Variants in ODAD4 observed in about 807,000 individuals in gnomAD.
ODAD4 encodes the protein outer dynein arm-docking complex subunit 4.
A neutral mutation model predicts 51.8 loss-of-function variants in ODAD4; 49 were observed. The ratio of observed to expected loss-of-function variants is 0.95; its 90% CI spans 0.75 to 1.20. The LOEUF (loss-of-function observed/expected upper bound fraction) is 1.20, where lower values mean the gene tolerates loss of function less well. Among genes scored for constraint, ODAD4 ranks in the 50% most tolerant of loss-of-function variants. The pLI, the probability that ODAD4 is intolerant of heterozygous loss-of-function variation, is 0.00. For missense variants in ODAD4, 590 were observed against 586.5 expected (o/e 1.01, Z -0.06); for synonymous variants, 235 against 221.3 (o/e 1.06, Z -0.55).
At chr17:41,951,901 A>C in intron 9 of ODAD4, among the ~76,000 whole-genome samples, 1 of 145,370 alleles carries the variant, frequency 6.9e-6, no homozygotes, top group East Asian at 2.1e-4. Context: ...AAAAAAAAAA[A>C]AAAAAAAAAA....
chr17:41,964,533 G>A (rs2050848919), intron 11 of ODAD4, among the ~76,000 whole-genome samples: 1 of 152,232 alleles, frequency 6.6e-6, no homozygotes, highest in Non-Finnish European at 1.5e-5. Context: ...GGAAAGGTGT[G>A]CTGTCAACAC....
Position 41,930,823 on chromosome 17 carries a change from C to T in ODAD4, c.100C>T (p.Gln34Ter), listed in dbSNP as rs562095573. The T allele has an allele frequency of 3.2e-5, 51 of 1,580,732 alleles. No homozygotes were observed. Among genetic ancestry groups the T allele is most frequent in the Admixed American group, 5.4e-5 (3 of 55,970 alleles). The change falls in exon 1 of 12, where the codon CAG becomes TAG. Residue 34 changes from glutamine (Q) to a stop codon, truncating the protein, a stop_gained. Coordinates refer to ENST00000377540, the MANE Select transcript of ODAD4 (RefSeq NM_031421.5). LOFTEE classifies it high-confidence loss of function. ...YLCGEFSKAAQSFSNALYLQD... is the reference protein window; with the variant it reads ...YLCGEFSKAA ...GTGCGGGGAATTTTCTAAAGCCGCG[C>T]AGAGCTTCAGCAACGTGAGTCGAGC...
chr17:41,964,842 T>G, intron 11 of ODAD4, 151 bp from the exon 12 acceptor site: 1 of 561,662 alleles, frequency 1.8e-6, no homozygotes, highest in Non-Finnish European at 3.2e-6. Flanking sequence ...AGGGTCTCAC[T>G]GTGTCGCCCA....
At chr17:41,956,193 G>GC (rs1287316286) in intron 10 of ODAD4, among the ~76,000 whole-genome samples, 89 of 151,202 alleles carry the variant, frequency 5.9e-4, no homozygotes, top group African/African-American at 1.8e-3. Context: ...GATCACAGGC[G>GC]CCCCCCCACC....
chr17:41,954,976 C>T, intron 9 of ODAD4: 1 of 611,206 alleles, frequency 1.6e-6, no homozygotes. Context: ...CTTCTCTCAC[C>T]AACGCCTTTG....
At chr17:41,955,874 A>T (rs1485492458) in intron 10 of ODAD4, among the ~76,000 whole-genome samples, 4 of 151,802 alleles carry the variant, frequency 2.6e-5, no homozygotes, top group African/African-American at 9.7e-5. Flanking sequence ...ATGCAGTGGC[A>T]CTGTTATGGC....
intron 10 of ODAD4, among the ~76,000 whole-genome samples, chr17:41,958,046 G>A (rs1179433764): frequency 6.6e-6 from 1 of 152,048 alleles, no homozygotes; most frequent in Admixed American, 6.6e-5. Context: ...TAAAGTGTTG[G>A]GATTACAGGT....
At chr17:41,936,593 G>A in intron 4 of ODAD4, 59 bp downstream of exon 4, 1 of 1,549,292 alleles carries the variant, frequency 6.5e-7, no homozygotes, top group Non-Finnish European at 8.9e-7. Flanking sequence ...GTGTGCCTGA[G>A]AAGGGGTCTT....
intron 8 of ODAD4, among the ~76,000 whole-genome samples, chr17:41,948,869 T>A (rs1347246664): frequency 3.9e-5 from 6 of 152,160 alleles, no homozygotes. Context: ...CTCGAACTCC[T>A]GACCTCAGGT....
intron 7 of ODAD4, among the ~76,000 whole-genome samples, chr17:41,941,653 C>T (rs989262847): frequency 3.4e-4 from 51 of 151,734 alleles, no homozygotes; most frequent in Non-Finnish European, 5.4e-4. Context: ...TGGTGGTGTG[C>T]GCCTGTAGTC....
At chr17:41,946,759 C>T (rs868909875) in intron 8 of ODAD4, among the ~76,000 whole-genome samples, 5 of 152,202 alleles carry the variant, frequency 3.3e-5, no homozygotes, top group South Asian at 2.1e-4. Context: ...TCATGGCAAC[C>T]TCCACCTTCC....
Position 41,965,133 on chromosome 17 carries a change from G to T in ODAD4, c.1669G>T (p.Glu557Ter). 1 of 773,720 alleles carries T rather than the reference G, an allele frequency of 1.3e-6. No individual in the cohort carries two copies. Among genetic ancestry groups the T allele is most frequent in the East Asian group, 2.4e-5 (1 of 41,036 alleles). The allele number at this position is 773,720 out of a possible 1,614,324, so 47.9% of individuals were successfully genotyped here. A position where few individuals can be genotyped will look rare whatever the true frequency, so the allele number is the denominator to read the frequency against. Reference protein sequence around the residue: ...ETDEDDEAFGEALQSPASGKQ... With the variant: ...ETDEDDEAFG ...AGATGAGGACGATGAGGCTTTTGGG[G>T]AAGCTCTGCAGAGCCCAGCAAGCGG... Residue 557 changes from glutamate to a stop codon, truncating the protein, a stop_gained, in exon 12 of 12, where the codon GAA (glutamate) becomes TAA (stop). Coordinates refer to ENST00000377540, the MANE Select transcript of ODAD4 (RefSeq NM_031421.5). LOFTEE classifies it low-confidence loss of function (END_TRUNC).
chr17:41,949,129 G>A, intron 8 of ODAD4, 24 bp from the exon 9 acceptor site: 1 of 398,488 alleles, frequency 2.5e-6, no homozygotes, highest in Non-Finnish European at 4.4e-6. Context: ...GGATGAAGCT[G>A]ACTCTGGTTC....
In ODAD4 at chr17:41,944,444, A is replaced by ACAC. The variant is rs1191101800; in HGVS notation, c.1059-691_1059-690insACC. On this transcript the variant is annotated intron_variant, in intron 7 of 11. Transcript: ENST00000377540. ...CACACACACACACACACACACACAC[A>ACAC]CCCCCCCGCATACACAGAAATTGCC... 8.8e-3 allele frequency among the ~76,000 whole-genome samples: 172 copies of ACAC among 19,540 alleles called. 8 individuals are homozygous for ACAC. The highest frequency in any genetic ancestry group is 0.017 in the South Asian group (4 of 236). 12.8% of individuals were successfully genotyped at this position (19,540 alleles called of 152,430 possible). A position where few individuals can be genotyped will look rare whatever the true frequency, so the allele number is the denominator to read the frequency against.
At position 41,952,069 on chromosome 17, in the gene ODAD4, A is replaced by G. The variant is rs1201430406; in HGVS notation, c.1342+2720A>G. 4.0e-5 allele frequency among the ~76,000 whole-genome samples: 6 copies of G among 151,578 alleles called. No homozygotes were observed. The East Asian group carries it at 9.8e-4, about 25-fold the overall frequency. On this transcript the variant is annotated intron_variant, in intron 9 of 11. Coordinates refer to ENST00000377540, the MANE Select transcript of ODAD4 (RefSeq NM_031421.5). ...GGCAACTTAAAGAGACCTCATCTCT[A>G]CAAAAAATAAAAATTAGGGCGGGGC...
intron 11 of ODAD4, 103 bp from the exon 12 acceptor site, chr17:41,964,890 G>A: frequency 1.6e-6 from 1 of 606,364 alleles, no homozygotes; most frequent in East Asian, 2.8e-5. Context: ...GGATCTGCCT[G>A]CCTCAGCCTC....
At chr17:41,954,992 G>A (rs1555640771) in intron 9 of ODAD4, 2 of 650,936 alleles carry the variant, frequency 3.1e-6, no homozygotes, top group Admixed American at 4.2e-5. Context: ...CTTTGAATGA[G>A]GCCCAGGTTC....
In ODAD4 at chr17:41,961,580, C is replaced by T. The variant is rs146840913; in HGVS notation, c.1528+114C>T. 1,293 of 663,880 alleles carry T rather than the reference C, an allele frequency of 1.9e-3. 1 individual carries two copies. Among genetic ancestry groups the T allele is most frequent in the Non-Finnish European group, 3.1e-3 (1,110 of 362,342 alleles). The allele number at this position is 663,880 out of a possible 1,614,324, so 41.1% of individuals were successfully genotyped here. A position where few individuals can be genotyped will look rare whatever the true frequency, so the allele number is the denominator to read the frequency against. On this transcript the variant is annotated intron_variant, in intron 11 of 11. Coordinates refer to ENST00000377540, the MANE Select transcript of ODAD4 (RefSeq NM_031421.5). ...CCCAATCTGGGGGCTTGGCACTGCC[C>T]ATCGTGCATTCTAATTTCAGTGCCA...
chr17:41,936,810 CCCA>C lies in ODAD4; in HGVS notation c.512_514del (p.Thr171del). ...TCAGCCCATGAAACACCTCTTACAC[CCCA>C]CCAAGGGAGAGCCCAAGTGGAAGGC... On this transcript the variant is annotated inframe_deletion, in exon 5 of 12. Transcript: ENST00000377540. 1 of 1,613,962 alleles carries C rather than the reference CCCA, an allele frequency of 6.2e-7. No individual in the cohort carries two copies. Among genetic ancestry groups the C allele is most frequent in the Non-Finnish European group, 8.5e-7 (1 of 1,179,880 alleles).
Sources: gnomAD v4.1 joint callset for allele counts (sites outside exome capture counted in the v4.1 genomes callset) on GRCh38, gnomAD v4.1.1 for gene constraint, MANE v1.5 for transcripts, NCBI Gene and HGNC (gene_info 2026-07-23, HGNC 2026-07-21) for gene names.